The following ZNF814 variants were observed in gnomAD, a reference collection of about 807,000 sequenced individuals.
ZNF814 encodes the protein zinc finger protein 814.
Under a neutral mutation model 7.5 loss-of-function variants are expected in ZNF814, and 5 were observed. The observed-to-expected ratio is 0.67, with a 90% CI of 0.35 to 1.40. The LOEUF (loss-of-function observed/expected upper bound fraction) is 1.40. Ranked by LOEUF, ZNF814 falls within the 40% of genes most tolerant of loss-of-function variation. The probability of loss-of-function intolerance (pLI) is 0.04; values close to 1 mark genes in which losing one functional copy is unlikely to be tolerated. For synonymous variants in ZNF814, 315 were observed against 340.7 expected (o/e 0.92, Z 0.83); for missense variants, 962 against 1,018.0 (o/e 0.94, Z 0.75).
upstream of ZNF814, among the ~76,000 whole-genome samples, chr19:57,893,646 C>T (rs1052962809): frequency 2.0e-5 from 3 of 151,806 alleles, no homozygotes; most frequent in Non-Finnish European, 2.9e-5. Context: ...TGGCCGGGTG[C>T]GGGGGCTCAT....
In ZNF814 at chr19:57,888,640, C is replaced by T. The variant is rs1320157693; in HGVS notation, c.36+127G>A. ...TCCCACGGGTGTCAGAAATGGGGCC[C>T]CTCCCGCAAGCGCCTCAGTGTCCCA... On this transcript the variant is annotated intron_variant, in intron 1 of 2. Transcript: ENST00000435989. 2.4e-6 allele frequency: 3 copies of T among 1,233,396 alleles called. No homozygotes were observed. In the African/African-American group the frequency reaches 4.5e-5, roughly 19 times the overall value. The allele number at this position is 1,233,396 out of a possible 1,614,324, so 76.4% of individuals were successfully genotyped here. A position where few individuals can be genotyped will look rare whatever the true frequency, so the allele number is the denominator to read the frequency against.
intron 1 of ZNF814, among the ~76,000 whole-genome samples, chr19:57,880,605 T>G (rs1010153520): frequency 2.2e-4 from 26 of 116,212 alleles, no homozygotes; most frequent in African/African-American, 1.1e-3. Context: ...AGAACACCTT[T>G]TTTTTTTCTT....
At chr19:57,875,412 A>C (rs1037053914) in intron 2 of ZNF814, among the ~76,000 whole-genome samples, 186 bp from the exon 3 acceptor site, 1 of 152,190 alleles carries the variant, frequency 6.6e-6, no homozygotes, top group African/African-American at 2.4e-5. Context: ...AGAATGTAGG[A>C]GGCCTCATAA....
At chr19:57,878,936 T>A (rs1438572704) in intron 1 of ZNF814, among the ~76,000 whole-genome samples, 1 of 151,712 alleles carries the variant, frequency 6.6e-6, no homozygotes, top group African/African-American at 2.4e-5. Flanking sequence ...CACATACACA[T>A]GCACACAAGG....
At position 57,873,942 on chromosome 19, in the gene ZNF814, T is replaced by C. The variant is rs377244937; in HGVS notation, c.1448A>G (p.Gln483Arg). 9.3e-6 allele frequency: 15 copies of C among 1,613,988 alleles called. No individual in the cohort carries two copies. The highest frequency in any genetic ancestry group is 1.3e-5 in the Non-Finnish European group (15 of 1,179,964). The change falls in exon 3 of 3, where the codon CAG (glutamine) becomes CGG (arginine). Residue 483 changes from glutamine (Q) to arginine (R), a missense_variant. Physicochemically the swap from Gln to Arg is conservative, Grantham distance 43 (BLOSUM62 1). Around this residue, in one of 7 missense-constraint regions of ZNF814, gnomAD observed 665 missense variants for 551.4 expected, o/e 1.21. Coordinates refer to ENST00000435989, the MANE Select transcript of ZNF814 (RefSeq NM_001144989.2). The stretch of plus-strand genomic sequence containing the variant: ...AGGTCTTTCTCCACTGTGAACTCGC[T>C]GATGGTGAACAAGGCTGCGCTTATG... ...FSHKRSLVHH[Q>R]RVHSGERPYQ...
chr19:57,877,322 A>C (rs893168733), intron 1 of ZNF814, among the ~76,000 whole-genome samples: 1 of 152,158 alleles, frequency 6.6e-6, no homozygotes, highest in African/African-American at 2.4e-5. Flanking sequence ...AGCACAGCAG[A>C]GATACCCTCT....
the ZNF814 span, among the ~76,000 whole-genome samples, chr19:57,900,754 CT>C: frequency 6.6e-6 from 1 of 150,636 alleles, no homozygotes. Context: ...GTTAAAAAAC[CT>C]TTTTTTTGCT....
rs1568514888 is a variant in ZNF814, at chr19:57,869,499, A to AAAT, written c.*3322_*3323insATT. 1.3e-5 allele frequency: 2 copies of AAAT among 152,110 alleles called. No homozygotes were observed. Among genetic ancestry groups the AAAT allele is most frequent in the Admixed American group, 6.6e-5 (1 of 15,246 alleles). 9.4% of individuals were successfully genotyped at this position (152,110 alleles called of 1,614,324 possible). Reference sequence around the variant, plus strand: ...GGAGAACAGAAAGAAAGCCTTTATAAAAAGGTTCCAAGTAAATATAAAGGT... The same window carrying AAAT: ...GGAGAACAGAAAGAAAGCCTTTATAAAATAAAGGTTCCAAGTAAATATAAAGGT... On this transcript the variant is annotated 3_prime_UTR_variant, in exon 3 of 3. Transcript: ENST00000435989.
chr19:57,885,644 CAAA>C (rs1352804508), intron 1 of ZNF814, among the ~76,000 whole-genome samples: 1 of 129,292 alleles, frequency 7.7e-6, no homozygotes, highest in African/African-American at 2.9e-5. Context: ...AAAAAAAAAA[CAAA>C]AAACAAAGAA....
At chr19:57,900,793 C>A in the ZNF814 span, among the ~76,000 whole-genome samples, 6 of 149,126 alleles carry the variant, frequency 4.0e-5, no homozygotes, top group Admixed American at 6.7e-5. Flanking sequence ...CCAGAAAAAA[C>A]CAAAACCGAT....
intron 1 of ZNF814, among the ~76,000 whole-genome samples, chr19:57,883,087 G>A (rs967937334): frequency 7.9e-5 from 12 of 151,776 alleles, no homozygotes; most frequent in African/African-American, 2.2e-4. Flanking sequence ...GGCCGGGTGT[G>A]GTGGCTCACA....
rs551925177 is a variant in ZNF814, at chr19:57,875,328, C to G, written c.164-102G>C. 184 of 1,609,512 alleles carry G rather than the reference C, an allele frequency of 1.1e-4. 3 individuals are homozygous for G. The highest frequency in any genetic ancestry group is 9.9e-4 in the South Asian group (90 of 90,716). On this transcript the variant is annotated intron_variant, in intron 2 of 2. Coordinates refer to ENST00000435989, the MANE Select transcript of ZNF814 (RefSeq NM_001144989.2). Reference sequence around the variant, plus strand: ...AAAACTGAGGAATTACTCCAAGGAACTACTTGGAGGAACAGGATGTTGGCT... The same window carrying G: ...AAAACTGAGGAATTACTCCAAGGAAGTACTTGGAGGAACAGGATGTTGGCT...
upstream of ZNF814, among the ~76,000 whole-genome samples, chr19:57,891,688 A>G (rs149216957): frequency 6.1e-4 from 93 of 152,284 alleles, no homozygotes; most frequent in African/African-American, 2.0e-3. Context: ...CCCAATCTCT[A>G]CTAAAAATAC....
the ZNF814 span, among the ~76,000 whole-genome samples, chr19:57,894,321 A>G: frequency 6.8e-6 from 1 of 147,970 alleles, no homozygotes; most frequent in Non-Finnish European, 1.5e-5. Flanking sequence ...AGCTGAGATC[A>G]TGCCACTGCA....
At chr19:57,878,143 G>T (rs1172619108) in intron 1 of ZNF814, among the ~76,000 whole-genome samples, 1 of 141,576 alleles carries the variant, frequency 7.1e-6, no homozygotes, top group Non-Finnish European at 1.5e-5. Context: ...TCTAGCCTGG[G>T]CAACAAGAGC....
At chr19:57,886,654 G>T (rs1290529228) in intron 1 of ZNF814, among the ~76,000 whole-genome samples, 1 of 151,914 alleles carries the variant, frequency 6.6e-6, no homozygotes, top group Non-Finnish European at 1.5e-5. Flanking sequence ...CGAGGCGAGC[G>T]GATTGCCTGA....
At chr19:57,904,313 T>C in the ZNF814 span, among the ~76,000 whole-genome samples, 12 of 152,126 alleles carry the variant, frequency 7.9e-5, no homozygotes, top group Admixed American at 6.6e-4. Context: ...TACCAATAAA[T>C]AGTGTGGGCT....
rs384568 is a variant in ZNF814, at chr19:57,880,561, C to T, written c.37-3519G>A. On this transcript the variant is annotated intron_variant, in intron 1 of 2. Transcript: ENST00000435989. ...CGAGAGGTGCAACAGAGCAGGATGGCGGAATAGAAAGCTGCACCCATCATA... is the reference window on the plus strand; with the variant it reads ...CGAGAGGTGCAACAGAGCAGGATGGTGGAATAGAAAGCTGCACCCATCATA... 9.7e-3 allele frequency among the ~76,000 whole-genome samples: 1,269 copies of T among 130,252 alleles called. 1 individual carries two copies. The highest frequency in any genetic ancestry group is 0.025 in the East Asian group (103 of 4,056). 85.5% of individuals were successfully genotyped at this position (130,252 alleles called of 152,430 possible).
chr19:57,875,670 C>T (rs2071600347), intron 2 of ZNF814, among the ~76,000 whole-genome samples: 2 of 151,850 alleles, frequency 1.3e-5, no homozygotes, highest in South Asian at 2.1e-4. Context: ...TAGATGGTGA[C>T]GTATGTAAAT....
Sources: gnomAD v4.1 joint callset for allele counts (sites outside exome capture counted in the v4.1 genomes callset) on GRCh38, gnomAD v4.1.1 for gene constraint, gnomAD v4.1.1 regional missense constraint, MANE v1.5 for transcripts, NCBI Gene and HGNC (gene_info 2026-07-23, HGNC 2026-07-21) for gene names.